The following MAPK9 variants were observed in gnomAD, a reference collection of about 807,000 sequenced individuals.
The protein encoded by MAPK9 is mitogen-activated protein kinase 9, also known as Jun kinase.
In MAPK9, 30 loss-of-function variants were observed where a neutral mutation model predicts 57.1. That is an observed-to-expected ratio of 0.53 (90% CI 0.39 to 0.71). The LOEUF (loss-of-function observed/expected upper bound fraction) is 0.71, where lower values mean the gene tolerates loss of function less well. MAPK9 is among the 30% of genes least tolerant of loss of function. The probability of loss-of-function intolerance (pLI) is 0.00; values close to 1 mark genes in which losing one functional copy is unlikely to be tolerated. For synonymous variants in MAPK9, 155 were observed against 177.0 expected (o/e 0.88, Z 0.99); for missense variants, 362 against 521.0 (o/e 0.69, Z 2.97).
chr5:180,269,867 G>A (rs1171514286), intron 2 of MAPK9, among the ~76,000 whole-genome samples: 2 of 152,088 alleles, frequency 1.3e-5, no homozygotes, highest in South Asian at 2.1e-4. Flanking sequence ...GAATCACTGT[G>A]TTTTTTTCAC....
At chr5:180,265,400 G>A (rs571440266) in intron 3 of MAPK9, among the ~76,000 whole-genome samples, 312 of 152,280 alleles carry the variant, frequency 2.0e-3, no homozygotes, top group South Asian at 3.9e-3. Context: ...GAGACCTGGT[G>A]GGAGGTGACT....
chr5:180,252,237 T>C lies in MAPK9; in HGVS notation c.451-3099A>G, dbSNP rs35477353. Among the ~76,000 whole-genome samples the C allele has an allele frequency of 3.5e-4, 53 of 152,280 alleles. No homozygotes were observed. The East Asian group carries it at 9.7e-3, about 28-fold the overall frequency. On this transcript the variant is annotated intron_variant, in intron 5 of 11. Coordinates refer to ENST00000452135, the MANE Select transcript of MAPK9 (RefSeq NM_002752.5). Reference sequence around the variant, plus strand: ...AGCCTGCAGCAGTGTGGGCGCTGTCTGGGCCTCTCTTCTAATCAGTGTGGA... The same window carrying C: ...AGCCTGCAGCAGTGTGGGCGCTGTCCGGGCCTCTCTTCTAATCAGTGTGGA...
chr5:180,290,626 A>G (rs1321483984), intron 1 of MAPK9, among the ~76,000 whole-genome samples: 2 of 152,262 alleles, frequency 1.3e-5, no homozygotes, highest in East Asian at 3.8e-4. Flanking sequence ...ATTTTATATC[A>G]CAGCTTGTTC....
chr5:180,267,217 T>A (rs1274685943), intron 3 of MAPK9, among the ~76,000 whole-genome samples: 1 of 152,208 alleles, frequency 6.6e-6, no homozygotes, highest in Non-Finnish European at 1.5e-5. Context: ...TTGTTTGAAT[T>A]TTTAAAAATA....
In MAPK9 at chr5:180,240,006, G is replaced by A. The variant is rs751924056; in HGVS notation, c.997-19C>T. 6.2e-7 allele frequency: 1 copy of A among 1,603,962 alleles called. No homozygotes were observed. The highest frequency in any genetic ancestry group is 8.5e-7 in the Non-Finnish European group (1 of 1,172,812). ...GTGGTGGCTAAAAATTAAATCATAT[G>A]TAAAGTCAACAGTAATGCCTCAAAA... On this transcript the variant is annotated intron_variant, in intron 9 of 11. Transcript: ENST00000452135.
chr5:180,236,231 G>A lies in MAPK9; in HGVS notation c.*153C>T. 1.4e-6 allele frequency: 1 copy of A among 733,786 alleles called. No individual in the cohort carries two copies. The highest frequency in any genetic ancestry group is 1.9e-6 in the Non-Finnish European group (1 of 513,126). The allele number at this position is 733,786 out of a possible 1,614,324, so 45.5% of individuals were successfully genotyped here. A position where few individuals can be genotyped will look rare whatever the true frequency, so the allele number is the denominator to read the frequency against. On this transcript the variant is annotated 3_prime_UTR_variant, in exon 12 of 12. Transcript: ENST00000452135. ...TCTGCCTCATTTTATCATCTAAGCA[G>A]GCAATCCTATCAGGTCTGAGTAGGG...
At position 180,247,763 on chromosome 5, in the gene MAPK9, A is replaced by G; in HGVS notation, c.617-253T>C. The G allele has an allele frequency of 7.4e-7, 1 of 1,343,770 alleles. No homozygotes were observed. The highest frequency in any genetic ancestry group is 1.1e-6 in the Non-Finnish European group (1 of 940,846). 83.2% of individuals were successfully genotyped at this position (1,343,770 alleles called of 1,614,324 possible). On this transcript the variant is annotated intron_variant, in intron 6 of 11. Coordinates refer to ENST00000452135, the MANE Select transcript of MAPK9 (RefSeq NM_002752.5). This position sits in a 1 kb window ranked among gnomAD's most constrained non-coding sequence, Gnocchi z 4.5. ...AACAAACAAACAAACAAAAAACCAGAAACAAGAAGTGCCTGTGAACACAAA... is the reference window on the plus strand; with the variant it reads ...AACAAACAAACAAACAAAAAACCAGGAACAAGAAGTGCCTGTGAACACAAA...
At chr5:180,257,252 G>A (rs1432575014) in intron 5 of MAPK9, among the ~76,000 whole-genome samples, 3 of 152,168 alleles carry the variant, frequency 2.0e-5, no homozygotes, top group East Asian at 3.9e-4. Context: ...CTACCCCCAA[G>A]GGAGGCCTTC....
At chr5:180,269,169 T>C (rs1432423215) in intron 3 of MAPK9, 111 bp downstream of exon 3, 29 of 1,202,344 alleles carry the variant, frequency 2.4e-5, no homozygotes, top group Non-Finnish European at 3.2e-5. Context: ...ATAGCCATTT[T>C]TATCCTTAGC....
chr5:180,263,757 G>A (rs1760234805), intron 4 of MAPK9, among the ~76,000 whole-genome samples: 1 of 148,390 alleles, frequency 6.7e-6, no homozygotes, highest in Middle Eastern at 3.4e-3. Flanking sequence ...CCTGGCTGGA[G>A]TGCAGTGGTG....
At chr5:180,236,730 T>A in intron 11 of MAPK9, 2 of 449,796 alleles carry the variant, frequency 4.4e-6, no homozygotes, top group South Asian at 5.4e-5. Context: ...TATTCCTATG[T>A]CTTTCCTTGC....
intron 11 of MAPK9, 132 bp from the exon 12 acceptor site, chr5:180,236,658 G>T: frequency 1.1e-6 from 1 of 902,588 alleles, no homozygotes; most frequent in Non-Finnish European, 1.6e-6. Context: ...GTATAGACAA[G>T]AAGTCAGTCA....
At chr5:180,246,606 A>G (rs1383261887) in intron 7 of MAPK9, 1 of 152,234 alleles carries the variant, frequency 6.6e-6, no homozygotes, top group Non-Finnish European at 1.5e-5. Flanking sequence ...CTAATGAAAA[A>G]CTAAGTGGTT....
At chr5:180,254,481 G>A (rs1354517492) in intron 5 of MAPK9, among the ~76,000 whole-genome samples, 1 of 152,202 alleles carries the variant, frequency 6.6e-6, no homozygotes, top group African/African-American at 2.4e-5. Flanking sequence ...AAGAGCAAAT[G>A]AGTGTCAATT....
At chr5:180,269,489 A>G (rs1761049970) in intron 2 of MAPK9, 80 bp from the exon 3 acceptor site, 1 of 1,319,902 alleles carries the variant, frequency 7.6e-7, no homozygotes, top group Non-Finnish European at 1.1e-6. Context: ...CATTGAATAT[A>G]TCATCTTTTT....
rs1486294832 is a variant in MAPK9 at position 180,260,284 on chromosome 5, G to A, written c.450+1400C>T. Among the ~76,000 whole-genome samples the A allele has an allele frequency of 2.0e-5, 3 of 152,232 alleles. No homozygotes were observed. In the East Asian group the frequency reaches 5.8e-4, roughly 29 times the overall value. On this transcript the variant is annotated intron_variant, in intron 5 of 11. Transcript: ENST00000452135. ...GACATGATGTATGCAAACTGGAGAT[G>A]GATCTTTAAATACAAGAAGGTATTC...
chr5:180,291,566 C>CAGCT lies in MAPK9; in HGVS notation c.-48+278_-48+281dup, dbSNP rs1478803887. On this transcript the variant is annotated intron_variant, in intron 1 of 11. Coordinates refer to ENST00000452135, the MANE Select transcript of MAPK9 (RefSeq NM_002752.5). Reference sequence around the variant, plus strand: ...CCCCTGGGCACCCGGCGCAGGAGTGCAGCTGTCTGCCCCACCTCCGGGAGG... The same window carrying CAGCT: ...CCCCTGGGCACCCGGCGCAGGAGTGCAGCTAGCTGTCTGCCCCACCTCCGGGAGG... 8.5e-5 allele frequency among the ~76,000 whole-genome samples: 13 copies of CAGCT among 152,224 alleles called. No individual in the cohort carries two copies. In the East Asian group the frequency reaches 1.5e-3, roughly 18 times the overall value.
At chr5:180,291,561 G>C (rs950090398) in intron 1 of MAPK9, among the ~76,000 whole-genome samples, 14 of 152,212 alleles carry the variant, frequency 9.2e-5, no homozygotes, top group East Asian at 7.8e-4. Context: ...CCCGGCGCAG[G>C]AGTGCAGCTG....
intron 5 of MAPK9, chr5:180,258,111 C>A (rs1009055149): frequency 2.0e-5 from 3 of 152,170 alleles, no homozygotes; most frequent in African/African-American, 4.8e-5. Context: ...TTCAAAGACA[C>A]AAAGTAATTT....
Sources: gnomAD v4.1 joint callset for allele counts (sites outside exome capture counted in the v4.1 genomes callset) on GRCh38, gnomAD v4.1.1 for gene constraint, Gnocchi (gnomAD v3.1) non-coding constraint, MANE v1.5 for transcripts, NCBI Gene and HGNC (gene_info 2026-07-23, HGNC 2026-07-21) for gene names.